Variants in MAP1S observed in about 807,000 individuals in gnomAD.
MAP1S encodes microtubule associated protein 1S.
A neutral mutation model predicts 60.9 loss-of-function variants in MAP1S; 27 were observed. That is an observed-to-expected ratio of 0.44 (90% confidence interval 0.33 to 0.61). MAP1S has a LOEUF of 0.61. MAP1S is among the 20% of genes least tolerant of loss of function. The pLI is 0.03. For synonymous variants in MAP1S, 826 were observed against 694.2 expected, an observed-to-expected ratio of 1.19 and a Z score of -2.98; for missense variants, 1,608 against 1,486.6, an observed-to-expected ratio of 1.08 and a Z score of -1.34.
At position 17,726,029 on chromosome 19, in the gene MAP1S, TGA is replaced by T; in HGVS notation, c.647_648del (p.Glu216ValfsTer138). ...GLCEFLEYVA[E>X]SLEPPSPFEL... ...TGTGCGAATTCCTGGAGTACGTGGC[TGA>T]GTCTCTGGAGCCACCGTCCCCCTTC... is the stretch of plus-strand genomic sequence containing the variant. On this transcript the variant is annotated frameshift_variant, in exon 5 of 7. Coordinates refer to ENST00000324096, the MANE Select transcript of MAP1S (RefSeq NM_018174.6). LOFTEE classifies it high-confidence loss of function. The T allele has an allele frequency of 6.2e-7, 1 of 1,613,108 alleles. No homozygotes were observed. The highest frequency in any genetic ancestry group is 8.5e-7 in the Non-Finnish European group (1 of 1,179,720).
chr19:17,727,206 A>G lies in MAP1S; in HGVS notation c.1822A>G (p.Thr608Ala), dbSNP rs1025138519. 2 of 1,570,966 alleles carry G rather than the reference A, an allele frequency of 1.3e-6. No homozygotes were observed. The highest frequency in any genetic ancestry group is 2.3e-5 in the East Asian group (1 of 42,716). ...CTCTCCGGCCTCCCAGCTGGTGGCC[A>G]CGCCCAGCCTGGAGCTGGGGCCGAT... is the stretch of plus-strand genomic sequence containing the variant. ...CGSPASQLVATPSLELGPIPA... is the reference protein window; with the variant it reads ...CGSPASQLVAAPSLELGPIPA... The change falls in exon 5 of 7, where the codon ACG (threonine) becomes GCG (alanine). Residue 608 changes from threonine (T) to alanine (A), a missense_variant. By Grantham distance (58) the Thr-to-Ala change is moderately conservative (BLOSUM62 0). Coordinates refer to ENST00000324096, the MANE Select transcript of MAP1S (RefSeq NM_018174.6). The surrounding 1 kb of genome is among the most constrained non-coding windows in gnomAD (Gnocchi z 4.1).
intron 2 of MAP1S, among the ~76,000 whole-genome samples, chr19:17,723,659 G>A (rs10412938): frequency 0.091 from 13,857 of 152,022 alleles, 2,103 homozygotes; most frequent in African/African-American, 0.31. Flanking sequence ...GACTATCCTG[G>A]CTTACACGGT....
intron 2 of MAP1S, among the ~76,000 whole-genome samples, chr19:17,723,917 C>T (rs1025452315): frequency 3.3e-5 from 5 of 152,178 alleles, no homozygotes; most frequent in South Asian, 2.1e-4. Context: ...CCAGGCCCTG[C>T]GCACGATGGG....
At position 17,726,987 on chromosome 19, in the gene MAP1S, C is replaced by T. The variant is rs954643647; in HGVS notation, c.1603C>T (p.Arg535Trp). ...GAAAGACCCCAAACCGAGTGTCTCC[C>T]GGACCCAGCCGCGGGAGGTGCGCCG... ...LKKDPKPSVS[R>W]TQPREVRRAA... The change falls in exon 5 of 7, where the codon CGG (arginine) becomes TGG (tryptophan). Residue 535 changes from arginine (R) to tryptophan (W), a missense_variant. This residue lies in a region of MAP1S where 1,167 missense variants were observed against 961.4 expected (regional missense o/e 1.21). Transcript: ENST00000324096. The T allele has an allele frequency of 6.3e-7, 1 of 1,577,492 alleles. No homozygotes were observed. The highest frequency in any genetic ancestry group is 8.6e-7 in the Non-Finnish European group (1 of 1,162,346).
intron 2 of MAP1S, among the ~76,000 whole-genome samples, 175 bp from the exon 3 acceptor site, chr19:17,723,951 A>G (rs2080393942): frequency 6.6e-6 from 1 of 152,184 alleles, no homozygotes; most frequent in African/African-American, 2.4e-5. Context: ...TGCCTCTCTT[A>G]GGCCAGCTGG....
Position 17,726,941 on chromosome 19 carries a change from C to A in MAP1S, c.1557C>A (p.Ala519=). The change falls in exon 5 of 7, where the codon GCC becomes GCA. Residue 519 remains alanine, a synonymous_variant. Coordinates refer to ENST00000324096, the MANE Select transcript of MAP1S (RefSeq NM_018174.6). ...CCCCACGCAAGACTGAGAAAGAAGC[C>A]AAGACCCCCCGGGAGTTGAAGAAAG... ...AEAPRKTEKE[A]KTPRELKKDP... 1 of 1,572,052 alleles carries A rather than the reference C, an allele frequency of 6.4e-7. No homozygotes were observed. Among genetic ancestry groups the A allele is most frequent in the Non-Finnish European group, 8.6e-7 (1 of 1,159,444 alleles).
At position 17,726,450 on chromosome 19, in the gene MAP1S, GAGCTGGCGCTGAGCCTCCTGGCGC is replaced by G; in HGVS notation, c.1073_1096del (p.Ala358_Leu365del). ...GCTGGCGCGCGGCGAGGATGAGGCG[GAGCTGGCGCTGAGCCTCCTGGCGC>G]AGCTGGGCATCACGCCTCTGCCACT... is the stretch of plus-strand genomic sequence containing the variant. On this transcript the variant is annotated inframe_deletion, in exon 5 of 7. Coordinates refer to ENST00000324096, the MANE Select transcript of MAP1S (RefSeq NM_018174.6). The G allele has an allele frequency of 6.4e-7, 1 of 1,554,474 alleles. No individual in the cohort carries two copies. The highest frequency in any genetic ancestry group is 8.6e-7 in the Non-Finnish European group (1 of 1,156,428).
chr19:17,733,396 G>C lies in MAP1S; in HGVS notation c.2992G>C (p.Ala998Pro). The change falls in exon 6 of 7, where the codon GCC becomes CCC. Residue 998 changes from alanine to proline, a missense_variant. Physicochemically the swap from Ala to Pro is conservative, Grantham distance 27. Around this residue, in one of 4 missense-constraint regions of MAP1S, gnomAD observed 76 missense variants for 110.1 expected, o/e 0.69. Coordinates refer to ENST00000324096, the MANE Select transcript of MAP1S (RefSeq NM_018174.6). ...GMRAVLDALL[A>P]SKQHWDRDLQ... ...GCGGGCCGTCCTGGACGCGCTACTG[G>C]CCAGCAAGCAGCATTGGGACCGTGA... 6.2e-7 allele frequency: 1 copy of C among 1,609,264 alleles called. No individual in the cohort carries two copies. Among genetic ancestry groups the C allele is most frequent in the Non-Finnish European group, 8.5e-7 (1 of 1,178,130 alleles).
At position 17,720,945 on chromosome 19, in the gene MAP1S, C is replaced by G. The variant is rs763585904; in HGVS notation, c.128C>G (p.Ser43Cys). ...VLEELERGIR[S>C]WDVDPGVCNL... Reference sequence around the variant, plus strand: ...CCCTCCTTCCCACCAGGCATCCGGTCTTGGGATGTCGATCCTGGCGTCTGC... The same window carrying G: ...CCCTCCTTCCCACCAGGCATCCGGTGTTGGGATGTCGATCCTGGCGTCTGC... The change falls in exon 2 of 7, where the codon TCT becomes TGT. Residue 43 changes from serine (S) to cysteine (C), a missense_variant. By Grantham distance (112) the Ser-to-Cys change is moderately radical. This residue lies in a region of MAP1S where 320 missense variants were observed against 393.1 expected (regional missense o/e 0.81). Transcript: ENST00000324096. 20 of 1,613,714 alleles carry G rather than the reference C, an allele frequency of 1.2e-5. No homozygotes were observed. The Admixed American group carries it at 3.2e-4, about 26-fold the overall frequency.
intron 1 of MAP1S, chr19:17,719,961 C>G: frequency 3.5e-6 from 1 of 282,564 alleles, no homozygotes. Flanking sequence ...ACTGGCCTGC[C>G]CGGGGGTAGG....
intron 5 of MAP1S, among the ~76,000 whole-genome samples, chr19:17,731,792 A>T (rs1449626143): frequency 1.3e-5 from 2 of 152,154 alleles, no homozygotes; most frequent in Non-Finnish European, 2.9e-5. Flanking sequence ...CTGCCTCCCG[A>T]GTAGCTGGGA....
Position 17,733,213 on chromosome 19 carries a change from G to C in MAP1S, c.2809G>C (p.Gly937Arg), listed in dbSNP as rs115190271. The C allele has an allele frequency of 2.7e-6, 4 of 1,475,504 alleles. No individual in the cohort carries two copies. The highest frequency in any genetic ancestry group is 3.6e-6 in the Non-Finnish European group (4 of 1,101,504). The allele number at this position is 1,475,504 out of a possible 1,614,324, so 91.4% of individuals were successfully genotyped here. A position where few individuals can be genotyped will look rare whatever the true frequency, so the allele number is the denominator to read the frequency against. ...CGCAGGGTCAGCCAGCAGCCGGCCC[G>C]GGGTGTCAGCCACCCCACCCAAGTC... ...GPSGSASSRP[G>R]VSATPPKSPV... The change falls in exon 6 of 7, where the codon GGG becomes CGG. Residue 937 changes from glycine to arginine, a missense_variant. Around this residue, in one of 4 missense-constraint regions of MAP1S, gnomAD observed 1,167 missense variants for 961.4 expected, o/e 1.21. Transcript: ENST00000324096.
chr19:17,719,547 A>G lies in MAP1S; in HGVS notation c.45A>G (p.Ser15=), dbSNP rs200898303. ...AGSGAAAAPS[S]LLLVVGSEFG... Reference sequence around the variant, plus strand: ...CTGGGGCTGCCGCGGCTCCGAGCTCACTGCTCCTCGTGGTGGGCAGCGAGT... The same window carrying G: ...CTGGGGCTGCCGCGGCTCCGAGCTCGCTGCTCCTCGTGGTGGGCAGCGAGT... Residue 15 remains serine, a synonymous_variant, in exon 1 of 7, where the codon TCA becomes TCG. Coordinates refer to ENST00000324096, the MANE Select transcript of MAP1S (RefSeq NM_018174.6). 399 of 1,246,042 alleles carry G rather than the reference A, an allele frequency of 3.2e-4. 1 individual carries two copies. The African/African-American group carries it at 4.7e-3, about 15-fold the overall frequency. The allele number at this position is 1,246,042 out of a possible 1,614,324, so 77.2% of individuals were successfully genotyped here. A position where few individuals can be genotyped will look rare whatever the true frequency, so the allele number is the denominator to read the frequency against.
In MAP1S at chr19:17,725,361, C is replaced by T. The variant is rs2080408416; in HGVS notation, c.444+172C>T. Among the ~76,000 whole-genome samples, 1 of 152,166 alleles carries T rather than the reference C, an allele frequency of 6.6e-6. No homozygotes were observed. Among genetic ancestry groups the T allele is most frequent in the Non-Finnish European group, 1.5e-5 (1 of 68,044 alleles). On this transcript the variant is annotated intron_variant, in intron 4 of 6. Transcript: ENST00000324096. The surrounding 1 kb of genome is among the most constrained non-coding windows in gnomAD (Gnocchi z 4.2). The stretch of plus-strand genomic sequence containing the variant: ...GGCTGTCTGGGGTCAGTCCCATTGC[C>T]CGCGAAAGGGTGTGGTGTGAGCTGA...
chr19:17,731,282 T>C (rs904661948), intron 5 of MAP1S, among the ~76,000 whole-genome samples: 1 of 152,202 alleles, frequency 6.6e-6, no homozygotes, highest in African/African-American at 2.4e-5. Flanking sequence ...TTGGAGGTAA[T>C]TTTTGTATGT....
Position 17,726,917 on chromosome 19 carries a change from C to T in MAP1S, c.1533C>T (p.Ala511=), listed in dbSNP as rs1200442308. Residue 511 remains alanine, a synonymous_variant, in exon 5 of 7, where the codon GCC becomes GCT. Transcript: ENST00000324096. ...GCAAGGAGCCAGCACGGGCTGAGGCCCCACGCAAGACTGAGAAAGAAGCCA... is the reference window on the plus strand; with the variant it reads ...GCAAGGAGCCAGCACGGGCTGAGGCTCCACGCAAGACTGAGAAAGAAGCCA... The part of the protein sequence containing the change: ...VARKEPARAE[A]PRKTEKEAKT... The T allele has an allele frequency of 1.9e-6, 3 of 1,564,936 alleles. No individual in the cohort carries two copies. Among genetic ancestry groups the T allele is most frequent in the South Asian group, 1.2e-5 (1 of 85,196 alleles).
chr19:17,726,718 T>G lies in MAP1S; in HGVS notation c.1334T>G (p.Leu445Arg). 1 of 1,591,228 alleles carries G rather than the reference T, an allele frequency of 6.3e-7. No homozygotes were observed. Among genetic ancestry groups the G allele is most frequent in the Non-Finnish European group, 8.5e-7 (1 of 1,172,410 alleles). The change falls in exon 5 of 7, where the codon CTG (leucine) becomes CGG (arginine). Residue 445 changes from leucine to arginine, a missense_variant. Coordinates refer to ENST00000324096, the MANE Select transcript of MAP1S (RefSeq NM_018174.6). ...CTPPACLLDG[L>R]VRLQHLRFLR... ...CCGCCCGCCTGCCTCCTGGACGGCC[T>G]GGTCCGCCTGCAGCACTTGAGGTTC...
intron 2 of MAP1S, 94 bp from the exon 3 acceptor site, chr19:17,724,032 T>G: frequency 1.1e-6 from 1 of 901,306 alleles, no homozygotes; most frequent in South Asian, 1.4e-5. Context: ...AATCTCCATA[T>G]GATCCCTGGG....
At chr19:17,733,005 A>C in intron 5 of MAP1S, 188 bp from the exon 6 acceptor site, 1 of 562,374 alleles carries the variant, frequency 1.8e-6, no homozygotes, top group Non-Finnish European at 3.1e-6. Context: ...TGGGCAGCAT[A>C]GCGAGACCCC....
Sources: gnomAD v4.1 joint callset for allele counts (sites outside exome capture counted in the v4.1 genomes callset) on GRCh38, gnomAD v4.1.1 for gene constraint, gnomAD v4.1.1 regional missense constraint, Gnocchi (gnomAD v3.1) non-coding constraint, MANE v1.5 for transcripts, NCBI Gene and HGNC (gene_info 2026-07-23, HGNC 2026-07-21) for gene names.